Variants in B3GALT5 observed in about 807,000 individuals in gnomAD.
The protein encoded by B3GALT5 is UDP-Gal:betaGlcNAc beta 1,3-galactosyltransferase, polypeptide 5.
For synonymous variants in B3GALT5, 156 were observed against 158.6 expected (o/e 0.98, Z 0.12); for missense variants, 328 against 396.6 (o/e 0.83, Z 1.47).
At chr21:39,656,914 T>C (rs183242619) in intron 2 of B3GALT5, among the ~76,000 whole-genome samples, 1 of 152,328 alleles carries the variant, frequency 6.6e-6, no homozygotes, top group East Asian at 1.9e-4. Context: ...CACAGTTCTC[T>C]GGGGTTTCAG....
At chr21:39,634,473 G>C (rs1336947868) in intron 1 of B3GALT5, among the ~76,000 whole-genome samples, 7 of 152,140 alleles carry the variant, frequency 4.6e-5, no homozygotes, top group Admixed American at 6.5e-5. Flanking sequence ...ATCGTTTGTT[G>C]TGCTGGTTGG....
intron 2 of B3GALT5, among the ~76,000 whole-genome samples, chr21:39,652,058 T>A (rs1240759293): frequency 2.6e-5 from 4 of 152,164 alleles, no homozygotes; most frequent in Non-Finnish European, 5.9e-5. Context: ...CTACTTCCCA[T>A]AGTGAACCCT....
chr21:39,640,360 C>G (rs1205073832), intron 1 of B3GALT5, among the ~76,000 whole-genome samples: 2 of 152,120 alleles, frequency 1.3e-5, no homozygotes, highest in Non-Finnish European at 2.9e-5. Flanking sequence ...TGCTTAGGAG[C>G]CTAGTTGCAT....
At chr21:39,654,881 A>C (rs534378665) in intron 2 of B3GALT5, among the ~76,000 whole-genome samples, 1 of 152,350 alleles carries the variant, frequency 6.6e-6, no homozygotes, top group Admixed American at 6.5e-5. Flanking sequence ...TAATGCTATT[A>C]TGCATTTAAT....
intron 1 of B3GALT5, among the ~76,000 whole-genome samples, chr21:39,626,364 A>T (rs1457419374): frequency 6.6e-6 from 1 of 152,178 alleles, no homozygotes; most frequent in Non-Finnish European, 1.5e-5. Context: ...CCTTTTGGCT[A>T]TTGTGAATAA....
intron 2 of B3GALT5, among the ~76,000 whole-genome samples, chr21:39,651,795 A>G (rs2079398053): frequency 6.6e-6 from 1 of 152,136 alleles, no homozygotes; most frequent in African/African-American, 2.4e-5. Flanking sequence ...TCAGATCTAG[A>G]GCTGGAAATC....
chr21:39,641,572 A>C (rs980221593), intron 1 of B3GALT5, among the ~76,000 whole-genome samples: 2 of 152,182 alleles, frequency 1.3e-5, no homozygotes, highest in Non-Finnish European at 2.9e-5. Context: ...ATTTTCTGGA[A>C]TAGCTCATTC....
chr21:39,615,670 G>A (rs971726417), intron 1 of B3GALT5, among the ~76,000 whole-genome samples: 31 of 152,234 alleles, frequency 2.0e-4, no homozygotes, highest in African/African-American at 6.8e-4. Flanking sequence ...CCTTCGGCAA[G>A]TTACTTAATT....
chr21:39,638,237 T>C (rs1374034816), intron 1 of B3GALT5, among the ~76,000 whole-genome samples: 1 of 152,110 alleles, frequency 6.6e-6, no homozygotes, highest in East Asian at 1.9e-4. Flanking sequence ...AAGACCACCC[T>C]GGCCTGCCAC....
At chr21:39,659,939 T>C in intron 3 of B3GALT5, 27 bp downstream of exon 3, 1 of 982,152 alleles carries the variant, frequency 1.0e-6, no homozygotes, top group Non-Finnish European at 1.2e-6. Flanking sequence ...CTTAATGTTA[T>C]AACGTTACCA....
Position 39,673,075 on chromosome 21 carries a change from G to C in B3GALT5, c.*11583G>C, listed in dbSNP as rs556051892. ...TCTTTGATGATAAGTTGTCTTTGCG[G>C]TACAGATTGGCTCCTCGATCTTTCA... On this transcript the variant is annotated 3_prime_UTR_variant, in exon 4 of 4. Transcript: ENST00000684187. This position sits in a 1 kb window ranked among gnomAD's most constrained non-coding sequence, Gnocchi z 5.2. The C allele has an allele frequency of 6.6e-6, 1 of 152,338 alleles. No individual in the cohort carries two copies. Among genetic ancestry groups the C allele is most frequent in the South Asian group, 2.1e-4 (1 of 4,822 alleles). The allele number at this position is 152,338 out of a possible 1,614,324, so 9.4% of individuals were successfully genotyped here.
At chr21:39,631,750 G>C (rs374096241) in intron 1 of B3GALT5, among the ~76,000 whole-genome samples, 4 of 152,296 alleles carry the variant, frequency 2.6e-5, no homozygotes, top group African/African-American at 9.6e-5. Context: ...GAAGTAGAGA[G>C]ACATAAATTA....
At chr21:39,657,415 A>T (rs1426881586) in intron 2 of B3GALT5, 2 of 153,204 alleles carry the variant, frequency 1.3e-5, no homozygotes, top group Non-Finnish European at 2.9e-5. Flanking sequence ...GCCCTTGGAC[A>T]TCAGAGCTGC....
intron 1 of B3GALT5, among the ~76,000 whole-genome samples, chr21:39,616,467 G>A (rs1465675031): frequency 1.3e-5 from 2 of 152,136 alleles, no homozygotes; most frequent in African/African-American, 4.8e-5. Flanking sequence ...ACTGCTGGGA[G>A]TATATTTTCT....
Position 39,671,317 on chromosome 21 carries a change from A to C in B3GALT5, c.*9825A>C, listed in dbSNP as rs2146236279. On this transcript the variant is annotated 3_prime_UTR_variant, in exon 4 of 4. Coordinates refer to ENST00000684187, the MANE Select transcript of B3GALT5 (RefSeq NM_001356336.2). ...TTAATTAATTTTCAGCGTTTGTTAT[A>C]TCAGAATGGACATTATAGCAATTTC... is the stretch of plus-strand genomic sequence containing the variant. 6.6e-6 allele frequency: 1 copy of C among 152,344 alleles called. No homozygotes were observed. Among genetic ancestry groups the C allele is most frequent in the East Asian group, 1.9e-4 (1 of 5,188 alleles). The allele number at this position is 152,344 out of a possible 1,614,324, so 9.4% of individuals were successfully genotyped here. A position where few individuals can be genotyped will look rare whatever the true frequency, so the allele number is the denominator to read the frequency against.
At chr21:39,623,671 A>G (rs1465551847) in intron 1 of B3GALT5, among the ~76,000 whole-genome samples, 1 of 152,148 alleles carries the variant, frequency 6.6e-6, no homozygotes, top group Non-Finnish European at 1.5e-5. Flanking sequence ...AATGGCTATC[A>G]GCTTAATTGT....
chr21:39,641,153 A>G (rs563708309), intron 1 of B3GALT5, among the ~76,000 whole-genome samples: 60 of 152,342 alleles, frequency 3.9e-4, no homozygotes, highest in Non-Finnish European at 7.6e-4. Flanking sequence ...GTAGTTTGCC[A>G]TTTGTAAAGA....
intron 2 of B3GALT5, among the ~76,000 whole-genome samples, chr21:39,656,771 C>T (rs554175700): frequency 3.8e-4 from 58 of 152,318 alleles, no homozygotes; most frequent in Non-Finnish European, 6.3e-4. Flanking sequence ...GGACGCTGCA[C>T]GTGCCTGTGC....
Position 39,644,936 on chromosome 21 carries a change from C to A in B3GALT5, c.-391-1456C>A, listed in dbSNP as rs370654298. 2.6e-5 allele frequency among the ~76,000 whole-genome samples: 4 copies of A among 152,204 alleles called. No homozygotes were observed. The East Asian group carries it at 5.8e-4, about 22-fold the overall frequency. On this transcript the variant is annotated intron_variant, in intron 1 of 3. Transcript: ENST00000684187. Reference sequence around the variant, plus strand: ...GGATGTGTGTTGACTGGCTCACCCCCCTTTCTTCTCACTCTTCTTATACTG... The same window carrying A: ...GGATGTGTGTTGACTGGCTCACCCCACTTTCTTCTCACTCTTCTTATACTG...
Sources: gnomAD v4.1 joint callset for allele counts (sites outside exome capture counted in the v4.1 genomes callset) on GRCh38, gnomAD v4.1.1 for gene constraint, Gnocchi (gnomAD v3.1) non-coding constraint, MANE v1.5 for transcripts, NCBI Gene and HGNC (gene_info 2026-07-23, HGNC 2026-07-21) for gene names.